LRRC8D: variants seen among roughly 807,000 people sequenced by gnomAD.
LRRC8D encodes volume-regulated anion channel subunit LRRC8D.
Under a neutral mutation model 55.8 loss-of-function variants are expected in LRRC8D, and 20 were observed. That is an observed-to-expected ratio of 0.36 (90% CI 0.25 to 0.52). LRRC8D has a LOEUF of 0.52. Among genes scored for constraint, LRRC8D ranks in the 20% least tolerant of loss-of-function variants. LRRC8D has a pLI of 0.93. For synonymous variants in LRRC8D, 352 were observed against 377.0 expected, an observed-to-expected ratio of 0.93 and a Z score of 0.77; for missense variants, 651 against 1,030.8, an observed-to-expected ratio of 0.63 and a Z score of 5.05.
At chr1:89,914,101 C>A (rs771950178) in intron 2 of LRRC8D, among the ~76,000 whole-genome samples, 1 of 152,192 alleles carries the variant, frequency 6.6e-6, no homozygotes, top group Non-Finnish European at 1.5e-5. Context: ...AAAGGTCAGT[C>A]CCCTTGGTAA....
At chr1:89,853,950 T>C (rs900859935) in intron 2 of LRRC8D, among the ~76,000 whole-genome samples, 3 of 152,080 alleles carry the variant, frequency 2.0e-5, no homozygotes. Flanking sequence ...TTAGAGCTTA[T>C]AGTTTGGTTG....
intron 1 of LRRC8D, among the ~76,000 whole-genome samples, chr1:89,831,488 G>T (rs1660884936): frequency 6.6e-6 from 1 of 152,024 alleles, no homozygotes; most frequent in South Asian, 2.1e-4. Context: ...AGAAGGAAGG[G>T]TAAGAGCCAC....
chr1:89,892,753 CT>C (rs1662612383), intron 2 of LRRC8D, among the ~76,000 whole-genome samples: 1 of 152,162 alleles, frequency 6.6e-6, no homozygotes, highest in South Asian at 2.1e-4. Context: ...ATCTTCTGAC[CT>C]CATGATCCAC....
intron 2 of LRRC8D, among the ~76,000 whole-genome samples, chr1:89,918,794 C>T (rs943560746): frequency 5.9e-5 from 9 of 152,160 alleles, no homozygotes; most frequent in Non-Finnish European, 1.3e-4. Context: ...CCCAGCTGGA[C>T]ATTGAAAAAT....
intron 2 of LRRC8D, among the ~76,000 whole-genome samples, chr1:89,868,457 G>T (rs982511377): frequency 1.3e-5 from 2 of 152,078 alleles, no homozygotes; most frequent in African/African-American, 4.8e-5. Flanking sequence ...CTCAACACAT[G>T]CATGAAAGGT....
At chr1:89,919,096 G>C (rs1295349356) in intron 2 of LRRC8D, among the ~76,000 whole-genome samples, 2 of 152,228 alleles carry the variant, frequency 1.3e-5, no homozygotes, top group Non-Finnish European at 2.9e-5. Flanking sequence ...AGCAGCCATT[G>C]TCTGACTTTG....
intron 1 of LRRC8D, among the ~76,000 whole-genome samples, chr1:89,825,617 A>G (rs1227423254): frequency 1.3e-5 from 2 of 152,224 alleles, no homozygotes; most frequent in East Asian, 3.8e-4. Flanking sequence ...CCTTATATTT[A>G]GAGAAGGAGA....
intron 2 of LRRC8D, among the ~76,000 whole-genome samples, chr1:89,901,063 C>G (rs939052355): frequency 6.6e-6 from 1 of 152,206 alleles, no homozygotes; most frequent in African/African-American, 2.4e-5. Flanking sequence ...CCATGCATTT[C>G]TAGTCCAGCA....
At chr1:89,854,742 T>G (rs1267010839) in intron 2 of LRRC8D, among the ~76,000 whole-genome samples, 4 of 152,174 alleles carry the variant, frequency 2.6e-5, no homozygotes, top group Non-Finnish European at 5.9e-5. Context: ...ATTTATGGGT[T>G]CTTCTGATGG....
intron 1 of LRRC8D, among the ~76,000 whole-genome samples, chr1:89,832,864 C>G (rs938585889): frequency 5.9e-5 from 9 of 152,246 alleles, no homozygotes; most frequent in African/African-American, 2.2e-4. Context: ...CTAGGAAACA[C>G]TTCACCATGT....
intron 1 of LRRC8D, among the ~76,000 whole-genome samples, chr1:89,829,368 C>T (rs979523076): frequency 6.6e-6 from 1 of 152,232 alleles, no homozygotes; most frequent in Non-Finnish European, 1.5e-5. Context: ...CTTATTCCCA[C>T]TCTACGGATG....
intron 2 of LRRC8D, among the ~76,000 whole-genome samples, chr1:89,896,396 G>C (rs769984871): frequency 6.6e-6 from 1 of 152,180 alleles, no homozygotes; most frequent in Non-Finnish European, 1.5e-5. Context: ...TGCCTGGCTC[G>C]TGGTCACGTA....
chr1:89,934,658 T>C lies in LRRC8D; in HGVS notation c.1590T>C (p.Thr530=). 1 of 1,614,236 alleles carries C rather than the reference T, an allele frequency of 6.2e-7. No individual in the cohort carries two copies. Among genetic ancestry groups the C allele is most frequent in the African/African-American group, 1.3e-5 (1 of 75,064 alleles). ...ACTGCCCTGCAAAAGTTGAACAGACTGCTTTTAGCTTTCTTCGCGATCACT... is the reference window on the plus strand; with the variant it reads ...ACTGCCCTGCAAAAGTTGAACAGACCGCTTTTAGCTTTCTTCGCGATCACT... ...LCHCPAKVEQ[T]AFSFLRDHLR... The change falls in exon 3 of 3, where the codon ACT becomes ACC. Residue 530 remains threonine, a synonymous_variant. Transcript: ENST00000337338. The surrounding 1 kb of genome is among the most constrained non-coding windows in gnomAD (Gnocchi z 5.9).
chr1:89,920,369 AG>A (rs1398211973), intron 2 of LRRC8D, among the ~76,000 whole-genome samples: 1 of 152,184 alleles, frequency 6.6e-6, no homozygotes. Flanking sequence ...ATTTATAAAA[AG>A]CTTTTGGTGG....
intron 2 of LRRC8D, among the ~76,000 whole-genome samples, chr1:89,901,698 AT>A (rs1054995321): frequency 6.6e-6 from 1 of 152,172 alleles, no homozygotes; most frequent in African/African-American, 2.4e-5. Context: ...GTGCTCAAAT[AT>A]TTTTTTTAAA....
chr1:89,871,486 G>T (rs1662006120), intron 2 of LRRC8D, among the ~76,000 whole-genome samples: 1 of 152,124 alleles, frequency 6.6e-6, no homozygotes, highest in Admixed American at 6.5e-5. Context: ...ATTTTATATT[G>T]TGTTAGACTT....
chr1:89,849,773 A>G lies in LRRC8D; in HGVS notation c.-3+5991A>G, dbSNP rs1661365893. ...TTTTGTAATGTTTCTTGTGTATTCT[A>G]GAAATTAATTCCTCTTTGTCTTTAG... is the stretch of plus-strand genomic sequence containing the variant. On this transcript the variant is annotated intron_variant, in intron 2 of 2. Coordinates refer to ENST00000337338, the MANE Select transcript of LRRC8D (RefSeq NM_001134479.2). Among the ~76,000 whole-genome samples the G allele has an allele frequency of 1.3e-5, 2 of 152,262 alleles. 1 individual carries two copies. Among genetic ancestry groups the G allele is most frequent in the South Asian group, 4.1e-4 (2 of 4,824 alleles).
intron 2 of LRRC8D, among the ~76,000 whole-genome samples, chr1:89,898,550 A>G (rs559964175): frequency 1.3e-5 from 2 of 152,302 alleles, no homozygotes; most frequent in African/African-American, 4.8e-5. Context: ...GTCAAGTGGA[A>G]GAGGAATTAG....
In LRRC8D at chr1:89,905,376, A is replaced by G. The variant is rs530396152; in HGVS notation, c.-2-27691A>G. On this transcript the variant is annotated intron_variant, in intron 2 of 2. Transcript: ENST00000337338. ...ACTTTTATGGGATGGAATATGGTCA[A>G]ATACTCATTCATGAACAAATAAAAC... Among the ~76,000 whole-genome samples the G allele has an allele frequency of 2.6e-5, 4 of 152,356 alleles. No homozygotes were observed. The South Asian group carries it at 6.2e-4, about 24-fold the overall frequency.
Sources: gnomAD v4.1 joint callset for allele counts (sites outside exome capture counted in the v4.1 genomes callset) on GRCh38, gnomAD v4.1.1 for gene constraint, Gnocchi (gnomAD v3.1) non-coding constraint, MANE v1.5 for transcripts, NCBI Gene and HGNC (gene_info 2026-07-23, HGNC 2026-07-21) for gene names.